CIT: variants seen among roughly 807,000 people sequenced by gnomAD.
CIT encodes citron rho-interacting serine/threonine kinase, also known as citron Rho-interacting kinase.
CIT carries 79 observed loss-of-function variants against 272.7 expected under a neutral mutation model. The observed-to-expected ratio is 0.29, with a 90% CI of 0.24 to 0.35. CIT has a LOEUF of 0.35. CIT is among the 10% of genes least tolerant of loss of function. The probability of loss-of-function intolerance (pLI) is 1.00; values close to 1 mark genes in which losing one functional copy is unlikely to be tolerated. For synonymous variants in CIT, 948 were observed against 995.6 expected, an observed-to-expected ratio of 0.95 and a Z score of 0.90; for missense variants, 1,909 against 2,618.3, an observed-to-expected ratio of 0.73 and a Z score of 5.91.
chr12:119,838,907 AG>A (rs750878583), intron 5 of CIT, among the ~76,000 whole-genome samples: 2 of 152,208 alleles, frequency 1.3e-5, no homozygotes, highest in Non-Finnish European at 2.9e-5. Flanking sequence ...CTGGGGGCAC[AG>A]GAGGAGGAAA....
In CIT at chr12:119,689,666, CTTTTTTTTTTTTTT is replaced by C. The variant is rs531946559; in HGVS notation, c.6186+471_6186+484del. Among the ~76,000 whole-genome samples, 8 of 75,094 alleles carry C rather than the reference CTTTTTTTTTTTTTT, an allele frequency of 1.1e-4. 1 individual carries two copies. The highest frequency in any genetic ancestry group is 9.3e-4 in the East Asian group (2 of 2,150). 49.3% of individuals were successfully genotyped at this position (75,094 alleles called of 152,430 possible). A position where few individuals can be genotyped will look rare whatever the true frequency, so the allele number is the denominator to read the frequency against. ...ACGTTATCCATTTGCTTAGGAAGCT[CTTTTTTTTTTTTTT>C]TTTTTTTTTTTTTTTAAGACAGAGT... On this transcript the variant is annotated intron_variant, in intron 47 of 47. Coordinates refer to ENST00000392521, the MANE Select transcript of CIT (RefSeq NM_001206999.2).
rs571766285 is a variant in CIT, at chr12:119,725,954, C to T, written c.3591+2548G>A. Among the ~76,000 whole-genome samples, 318 of 152,208 alleles carry T rather than the reference C, an allele frequency of 2.1e-3. 5 individuals are homozygous for T. Among genetic ancestry groups the T allele is most frequent in the African/African-American group, 7.4e-3 (307 of 41,500 alleles). ...CCACGAGGTACATTTAACATTTCCA[C>T]TGTAGTGTTGTTCTTAAGGCCACGG... On this transcript the variant is annotated intron_variant, in intron 28 of 47. Transcript: ENST00000392521.
At chr12:119,739,547 A>G (rs1010220151) in intron 24 of CIT, among the ~76,000 whole-genome samples, 3 of 152,346 alleles carry the variant, frequency 2.0e-5, no homozygotes, top group African/African-American at 7.2e-5. Context: ...TTGCAAAAGT[A>G]TAATTGAGAC....
intron 10 of CIT, among the ~76,000 whole-genome samples, chr12:119,786,518 T>C (rs914313326): frequency 6.6e-6 from 1 of 152,218 alleles, no homozygotes; most frequent in African/African-American, 2.4e-5. Flanking sequence ...AAGGTTCTTA[T>C]GCACAGAGAG....
At chr12:119,729,123 G>A (rs931992352) in intron 27 of CIT, among the ~76,000 whole-genome samples, 1 of 152,180 alleles carries the variant, frequency 6.6e-6, no homozygotes. Context: ...GCAAAGTCTG[G>A]AGCTTTAAAA....
intron 2 of CIT, among the ~76,000 whole-genome samples, chr12:119,870,178 T>C (rs1341418292): frequency 6.6e-6 from 1 of 152,172 alleles, no homozygotes; most frequent in Non-Finnish European, 1.5e-5. Context: ...TTTGAATCTG[T>C]GCCATCTCTG....
intron 28 of CIT, among the ~76,000 whole-genome samples, chr12:119,721,763 T>C (rs944860260): frequency 1.3e-5 from 2 of 152,206 alleles, no homozygotes; most frequent in Non-Finnish European, 2.9e-5. Context: ...GAGGATATTT[T>C]GGATGGCATG....
chr12:119,774,284 T>C (rs994703507), intron 16 of CIT, among the ~76,000 whole-genome samples: 1 of 151,406 alleles, frequency 6.6e-6, no homozygotes, highest in African/African-American at 2.4e-5. Context: ...TAATGTTATG[T>C]GGTTTTTTTT....
At chr12:119,695,728 G>A (rs1445301038) in intron 46 of CIT, among the ~76,000 whole-genome samples, 3 of 152,204 alleles carry the variant, frequency 2.0e-5, no homozygotes, top group East Asian at 1.9e-4. Flanking sequence ...CCCAGAGGTC[G>A]AGGCTGCAGT....
At chr12:119,823,034 A>G in intron 8 of CIT, 61 bp from the exon 9 acceptor site, 1 of 1,490,512 alleles carries the variant, frequency 6.7e-7, no homozygotes, top group East Asian at 2.3e-5. Flanking sequence ...TCATGCTGCA[A>G]AGTGAAGAAA....
intron 2 of CIT, among the ~76,000 whole-genome samples, chr12:119,872,200 A>G (rs1226530874): frequency 6.6e-6 from 1 of 152,192 alleles, no homozygotes; most frequent in Non-Finnish European, 1.5e-5. Context: ...AGGGCCAGAA[A>G]ATAATAGGTC....
chr12:119,734,467 A>C, intron 25 of CIT, 110 bp from the exon 26 acceptor site: 2 of 1,194,746 alleles, frequency 1.7e-6, no homozygotes, highest in South Asian at 2.6e-5. Context: ...TACAGTTTGA[A>C]ATGCGGTTTG....
chr12:119,825,293 T>C lies in CIT; in HGVS notation c.829A>G (p.Lys277Glu), dbSNP rs755384607. Reference protein sequence around the residue: ...EVLTVMNGDGKGTYGLDCDWW... With the variant: ...EVLTVMNGDGEGTYGLDCDWW... ...TCACAGTCCAGGCCGTAGGTGCCTT[T>C]TCCATCCCCGTTCATCACAGTCAGC... Residue 277 changes from lysine to glutamate, a missense_variant, in exon 8 of 48, where the codon AAA (lysine) becomes GAA (glutamate). Physicochemically the swap from Lys to Glu is moderately conservative, Grantham distance 56 (BLOSUM62 1). Coordinates refer to ENST00000392521, the MANE Select transcript of CIT (RefSeq NM_001206999.2). 1 of 1,614,046 alleles carries C rather than the reference T, an allele frequency of 6.2e-7. No homozygotes were observed. The highest frequency in any genetic ancestry group is 8.5e-7 in the Non-Finnish European group (1 of 1,180,036).
At chr12:119,732,890 AC>A (rs1432399259) in intron 26 of CIT, among the ~76,000 whole-genome samples, 3 of 152,242 alleles carry the variant, frequency 2.0e-5, no homozygotes, top group Non-Finnish European at 4.4e-5. Flanking sequence ...ACAGGAAGTC[AC>A]GGGGCACACA....
chr12:119,730,433 C>T lies in CIT; in HGVS notation c.3486+62G>A, dbSNP rs577453856. On this transcript the variant is annotated intron_variant, in intron 27 of 47. Coordinates refer to ENST00000392521, the MANE Select transcript of CIT (RefSeq NM_001206999.2). ...GGATTGCATTTGAATTTTTATCAAG[C>T]GTGCCTTTAAAAGAAGGAAACGAAA... The T allele has an allele frequency of 3.0e-4, 460 of 1,520,722 alleles. 1 individual carries two copies. In the African/African-American group the frequency reaches 5.4e-3, roughly 18 times the overall value. 94.2% of individuals were successfully genotyped at this position (1,520,722 alleles called of 1,614,324 possible).
rs1957092394 is a variant in CIT, at chr12:119,710,136, T to C, written c.5071+115A>G. 1 of 1,159,848 alleles carries C rather than the reference T, an allele frequency of 8.6e-7. No individual in the cohort carries two copies. The highest frequency in any genetic ancestry group is 2.2e-5 in the Admixed American group (1 of 45,896). 71.8% of individuals were successfully genotyped at this position (1,159,848 alleles called of 1,614,324 possible). The stretch of plus-strand genomic sequence containing the variant: ...TTGGGCATCTATGGGGACACAGAGA[T>C]AAGAGCTACAACGGCTCCTCTCTAC... On this transcript the variant is annotated intron_variant, in intron 39 of 47. Transcript: ENST00000392521. This position sits in a 1 kb window ranked among gnomAD's most constrained non-coding sequence, Gnocchi z 5.6.
At chr12:119,765,988 CAA>C (rs1962411423) in intron 19 of CIT, among the ~76,000 whole-genome samples, 1 of 152,108 alleles carries the variant, frequency 6.6e-6, no homozygotes, top group Non-Finnish European at 1.5e-5. Context: ...GGAAATGACC[CAA>C]GTGTCCATCA....
At chr12:119,771,022 G>A (rs376581178) in intron 17 of CIT, 112 bp from the exon 18 acceptor site, 10 of 1,305,130 alleles carry the variant, frequency 7.7e-6, no homozygotes, top group East Asian at 7.1e-5. Flanking sequence ...AGGAAGAAAA[G>A]TCTCAGGCAC....
intron 37 of CIT, chr12:119,711,083 C>T (rs1387878569): frequency 2.2e-6 from 3 of 1,366,852 alleles, no homozygotes; most frequent in Admixed American, 1.9e-5. Flanking sequence ...GTAAGAAACA[C>T]AGTCGCGGGC....
Sources: allele counts gnomAD v4.1 joint callset (sites outside exome capture counted in the v4.1 genomes callset), GRCh38; gene constraint gnomAD v4.1.1; non-coding constraint Gnocchi (gnomAD v3.1); transcripts MANE v1.5; gene names NCBI Gene and HGNC (gene_info 2026-07-23, HGNC 2026-07-21).